SLC20A2: variants seen among roughly 807,000 people sequenced by gnomAD.
SLC20A2 encodes the protein sodium-dependent phosphate transporter 2.
A neutral mutation model predicts 61.0 loss-of-function variants in SLC20A2; 30 were observed. That is an observed-to-expected ratio of 0.49 (90% confidence interval 0.37 to 0.67). The LOEUF is 0.67. Ranked by LOEUF, SLC20A2 falls within the 30% of genes least tolerant of loss-of-function variation. The pLI, the probability that SLC20A2 is intolerant of heterozygous loss-of-function variation, is 0.00. For synonymous variants in SLC20A2, 351 were observed against 353.3 expected, an observed-to-expected ratio of 0.99 and a Z score of 0.07; for missense variants, 626 against 866.4, an observed-to-expected ratio of 0.72 and a Z score of 3.48.
At position 42,431,952 on chromosome 8, in the gene SLC20A2, T is replaced by C. The variant is rs559516125; in HGVS notation, c.1524-1703A>G. Among the ~76,000 whole-genome samples, 3 of 152,372 alleles carry C rather than the reference T, an allele frequency of 2.0e-5. No individual in the cohort carries two copies. In the East Asian group the frequency reaches 5.8e-4, roughly 29 times the overall value. On this transcript the variant is annotated intron_variant, in intron 8 of 10. Transcript: ENST00000520262. ...AATGCACTTGGTCACCAGAGAGCTC[T>C]GACGGAGATATGCAAGGAGATGAAT... is the stretch of plus-strand genomic sequence containing the variant.
At chr8:42,438,085 A>AAC (rs1563455959) in intron 7 of SLC20A2, among the ~76,000 whole-genome samples, 14 of 149,352 alleles carry the variant, frequency 9.4e-5, no homozygotes, top group Non-Finnish European at 1.9e-4. Flanking sequence ...AAAAAAAAAA[A>AAC]AAAACATGGA....
chr8:42,512,324 T>C (rs949407016), intron 1 of SLC20A2, among the ~76,000 whole-genome samples: 2 of 151,758 alleles, frequency 1.3e-5, no homozygotes, highest in African/African-American at 4.8e-5. Flanking sequence ...CCAGATTTCT[T>C]TACGGCTTAA....
chr8:42,485,957 A>AAAG (rs1482513141), intron 1 of SLC20A2, among the ~76,000 whole-genome samples: 1 of 152,074 alleles, frequency 6.6e-6, no homozygotes, highest in Admixed American at 6.5e-5. Flanking sequence ...AAAAAAAAAA[A>AAAG]AAAGAAAACT....
chr8:42,429,860 C>T (rs576998361), intron 9 of SLC20A2, among the ~76,000 whole-genome samples: 29 of 152,282 alleles, frequency 1.9e-4, no homozygotes, highest in Middle Eastern at 3.4e-3. Flanking sequence ...ATCTCAGGGA[C>T]GCTGTGGCTG....
chr8:42,511,552 G>C (rs1262610575), intron 1 of SLC20A2, among the ~76,000 whole-genome samples: 1 of 151,818 alleles, frequency 6.6e-6, no homozygotes, highest in African/African-American at 2.4e-5. Context: ...GCTTGAACCT[G>C]GGAGGCAAAG....
chr8:42,541,188 C>G (rs1312263709), intron 1 of SLC20A2: 1 of 152,140 alleles, frequency 6.6e-6, no homozygotes, highest in Non-Finnish European at 1.5e-5. Context: ...AGGAGGCGCC[C>G]GGCACTCGCA....
intron 3 of SLC20A2, among the ~76,000 whole-genome samples, chr8:42,464,903 A>G (rs999185496): frequency 3.9e-5 from 6 of 152,010 alleles, no homozygotes; most frequent in Middle Eastern, 3.2e-3. Flanking sequence ...TGAACTCGGG[A>G]GGCGGAGGTT....
chr8:42,429,757 C>T (rs1293251769), intron 9 of SLC20A2, among the ~76,000 whole-genome samples: 1 of 152,316 alleles, frequency 6.6e-6, no homozygotes, highest in African/African-American at 2.4e-5. Flanking sequence ...GCCCACCTGC[C>T]TTTGGCCCCC....
intron 1 of SLC20A2, among the ~76,000 whole-genome samples, chr8:42,517,970 T>G (rs549443012): frequency 1.3e-5 from 2 of 152,340 alleles, no homozygotes; most frequent in East Asian, 3.9e-4. Context: ...AGACCGAGTC[T>G]TGTTCTGTCA....
intron 10 of SLC20A2, among the ~76,000 whole-genome samples, chr8:42,422,559 GT>G (rs532805261): frequency 1.4e-3 from 206 of 151,214 alleles, no homozygotes; most frequent in African/African-American, 4.5e-3. Context: ...TGAGAGCTGG[GT>G]TTTTTTTTGT....
intron 10 of SLC20A2, among the ~76,000 whole-genome samples, chr8:42,426,852 GAA>G (rs1803450532): frequency 6.6e-6 from 1 of 152,228 alleles, no homozygotes; most frequent in Admixed American, 6.5e-5. Flanking sequence ...GATGCCTATA[GAA>G]AAGTCATAAG....
intron 1 of SLC20A2, chr8:42,480,458 C>T (rs1042070356): frequency 1.3e-5 from 2 of 152,160 alleles, no homozygotes; most frequent in African/African-American, 2.4e-5. Context: ...AATGAATTTA[C>T]CATGAATCTA....
intron 7 of SLC20A2, among the ~76,000 whole-genome samples, chr8:42,439,218 G>A (rs1052776202): frequency 6.6e-6 from 1 of 152,192 alleles, no homozygotes; most frequent in Non-Finnish European, 1.5e-5. Context: ...CAGTGCCTCC[G>A]GTTAGACTAT....
At chr8:42,471,107 T>C in intron 2 of SLC20A2, 1 of 455,094 alleles carries the variant, frequency 2.2e-6, no homozygotes, top group Non-Finnish European at 4.4e-6. Flanking sequence ...ATATGTCCTG[T>C]TGAAAGCAGA....
rs1458315219 is a variant in SLC20A2 at position 42,472,342 on chromosome 8, C to T, written c.49G>A (p.Ala17Thr). The change falls in exon 2 of 11, where the codon GCT (alanine) becomes ACT (threonine). Residue 17 changes from alanine (A) to threonine (T), a missense_variant. Transcript: ENST00000520262. This position sits in a 1 kb window ranked among gnomAD's most constrained non-coding sequence, Gnocchi z 4.1. The part of the protein sequence containing the change: ...LWMVILGFII[A>T]FILAFSVGAN... ...CCAACAGAAAAGGCCAAGATGAAAG[C>T]TATGATGAAACCCAAAATGACCATC... 1 of 1,614,192 alleles carries T rather than the reference C, an allele frequency of 6.2e-7. No homozygotes were observed. Among genetic ancestry groups the T allele is most frequent in the Non-Finnish European group, 8.5e-7 (1 of 1,180,024 alleles).
chr8:42,469,797 G>A (rs563363363), intron 2 of SLC20A2, among the ~76,000 whole-genome samples: 23 of 151,692 alleles, frequency 1.5e-4, no homozygotes, highest in Non-Finnish European at 2.6e-4. Flanking sequence ...GTGTGGTGTC[G>A]GGTGCCTGTA....
chr8:42,537,205 G>A (rs1166440681), intron 1 of SLC20A2, among the ~76,000 whole-genome samples: 2 of 151,872 alleles, frequency 1.3e-5, no homozygotes, highest in African/African-American at 2.4e-5. Context: ...GCAGTATAGT[G>A]AGACCTCATC....
chr8:42,514,884 G>A (rs1811240974), intron 1 of SLC20A2, among the ~76,000 whole-genome samples: 1 of 152,138 alleles, frequency 6.6e-6, no homozygotes. Context: ...GAAGCCTGGT[G>A]TAAAGGCAGT....
intron 2 of SLC20A2, among the ~76,000 whole-genome samples, chr8:42,466,492 A>G (rs1466139814): frequency 6.6e-6 from 1 of 152,174 alleles, no homozygotes; most frequent in Non-Finnish European, 1.5e-5. Context: ...AATTTTGGCC[A>G]AAACCAAGCA....
Sources: gnomAD v4.1 joint callset for allele counts (sites outside exome capture counted in the v4.1 genomes callset) on GRCh38, gnomAD v4.1.1 for gene constraint, Gnocchi (gnomAD v3.1) non-coding constraint, MANE v1.5 for transcripts, NCBI Gene and HGNC (gene_info 2026-07-23, HGNC 2026-07-21) for gene names.